Variants in REEP3 observed in about 807,000 individuals in gnomAD.
The protein encoded by REEP3 is receptor accessory protein 3, also known as receptor expression-enhancing protein 3.
Under a neutral mutation model 41.3 loss-of-function variants are expected in REEP3, and 20 were observed. The ratio of observed to expected loss-of-function variants is 0.48; its 90% CI spans 0.34 to 0.70. REEP3 has a LOEUF of 0.70. REEP3 is among the 30% of genes least tolerant of loss of function. The pLI is 0.01. For synonymous variants in REEP3, 104 were observed against 101.8 expected (o/e 1.02, Z -0.13); for missense variants, 271 against 308.8 (o/e 0.88, Z 0.92).
At position 63,620,874 on chromosome 10, in the gene REEP3, C is replaced by T; in HGVS notation, c.*5C>T. 1 of 1,592,794 alleles carries T rather than the reference C, an allele frequency of 6.3e-7. No homozygotes were observed. Among genetic ancestry groups the T allele is most frequent in the Non-Finnish European group, 8.6e-7 (1 of 1,162,648 alleles). On this transcript the variant is annotated 3_prime_UTR_variant, in exon 8 of 8. Coordinates refer to ENST00000373758, the MANE Select transcript of REEP3 (RefSeq NM_001001330.3). ...CGACCACAAGTGTATTTTTAGTCAT[C>T]TACACGTCAAATATCCCAAGACAGA...
intron 2 of REEP3, among the ~76,000 whole-genome samples, chr10:63,579,048 G>GGT (rs1554806355): frequency 6.7e-6 from 1 of 148,452 alleles, no homozygotes; most frequent in Non-Finnish European, 1.5e-5. Flanking sequence ...TTTTGGGGGG[G>GGT]GGGAGATGGA....
At chr10:63,561,179 C>T (rs1955736221) in intron 1 of REEP3, among the ~76,000 whole-genome samples, 1 of 152,050 alleles carries the variant, frequency 6.6e-6, no homozygotes, top group South Asian at 2.1e-4. Context: ...CCAAATCCTT[C>T]GTATGTGAGA....
chr10:63,524,889 G>A (rs1050378041), intron 1 of REEP3, among the ~76,000 whole-genome samples: 4 of 152,184 alleles, frequency 2.6e-5, no homozygotes, highest in Middle Eastern at 3.4e-3. Flanking sequence ...GCGCACACCT[G>A]TAGTCCTGGC....
chr10:63,568,606 A>G (rs906862093), intron 2 of REEP3, among the ~76,000 whole-genome samples: 2 of 151,732 alleles, frequency 1.3e-5, no homozygotes, highest in Non-Finnish European at 2.9e-5. Flanking sequence ...ATCACTAGAA[A>G]TAAAGAAATG....
chr10:63,608,325 AT>A (rs1457868705), intron 5 of REEP3, among the ~76,000 whole-genome samples: 1 of 152,242 alleles, frequency 6.6e-6, no homozygotes, highest in Non-Finnish European at 1.5e-5. Flanking sequence ...TCGTATCACA[AT>A]TCAAAAATAT....
intron 2 of REEP3, among the ~76,000 whole-genome samples, chr10:63,567,448 G>A (rs1955810440): frequency 6.6e-6 from 1 of 152,030 alleles, no homozygotes; most frequent in Admixed American, 6.6e-5. Flanking sequence ...TTTTGTGTCT[G>A]GCTCCTTTCA....
intron 5 of REEP3, chr10:63,599,808 G>C (rs1195073701): frequency 5.5e-6 from 2 of 363,326 alleles, no homozygotes; most frequent in African/African-American, 4.4e-5. Context: ...TGCAAGCCAA[G>C]TTATCAAATG....
chr10:63,526,023 G>T (rs979161009), intron 1 of REEP3, among the ~76,000 whole-genome samples: 4 of 152,140 alleles, frequency 2.6e-5, no homozygotes, highest in African/African-American at 9.7e-5. Context: ...GCTAGTAGTA[G>T]TTATCAGAAA....
intron 1 of REEP3, among the ~76,000 whole-genome samples, chr10:63,544,039 A>G (rs1369108266): frequency 2.0e-5 from 3 of 152,336 alleles, no homozygotes; most frequent in East Asian, 3.9e-4. Context: ...CACCTAGAGG[A>G]GGCAAAGATA....
intron 2 of REEP3, among the ~76,000 whole-genome samples, chr10:63,579,268 T>G (rs1031995749): frequency 6.6e-6 from 1 of 152,152 alleles, no homozygotes; most frequent in Non-Finnish European, 1.5e-5. Flanking sequence ...TCACCTCAAG[T>G]GATCTCCCCA....
chr10:63,605,683 T>C (rs895926819), intron 5 of REEP3, among the ~76,000 whole-genome samples: 3 of 152,196 alleles, frequency 2.0e-5, no homozygotes, highest in Non-Finnish European at 4.4e-5. Flanking sequence ...ACAGCATTAT[T>C]TGAGTGTAAA....
At chr10:63,586,116 T>G (rs1013651130) in intron 2 of REEP3, among the ~76,000 whole-genome samples, 11 of 152,218 alleles carry the variant, frequency 7.2e-5, no homozygotes, top group Admixed American at 1.3e-4. Flanking sequence ...GTTTTCTTGA[T>G]AGTAAATTTA....
At chr10:63,595,543 T>G (rs1808667946) in intron 3 of REEP3, among the ~76,000 whole-genome samples, 1 of 152,166 alleles carries the variant, frequency 6.6e-6, no homozygotes, top group South Asian at 2.1e-4. Context: ...CGCACAAACC[T>G]TCTGTCTAAA....
intron 2 of REEP3, among the ~76,000 whole-genome samples, chr10:63,593,923 T>A (rs1047282674): frequency 2.6e-5 from 4 of 152,168 alleles, no homozygotes; most frequent in African/African-American, 9.7e-5. Context: ...GCTGTCCACC[T>A]GGGTAACTAG....
chr10:63,546,418 A>T (rs567832450), intron 1 of REEP3, among the ~76,000 whole-genome samples: 1 of 152,294 alleles, frequency 6.6e-6, no homozygotes, highest in South Asian at 2.1e-4. Context: ...AAGTGAAGAA[A>T]CCTCATGAGT....
chr10:63,623,539 T>C lies in REEP3; in HGVS notation c.*2670T>C, dbSNP rs1956370814. 6.6e-6 allele frequency: 1 copy of C among 152,446 alleles called. No homozygotes were observed. Among genetic ancestry groups the C allele is most frequent in the Non-Finnish European group, 1.5e-5 (1 of 68,206 alleles). The allele number at this position is 152,446 out of a possible 1,614,324, so 9.4% of individuals were successfully genotyped here. On this transcript the variant is annotated 3_prime_UTR_variant, in exon 8 of 8. Transcript: ENST00000373758. ...TTTGAGTTTATACAGAAATTGCAGC[T>C]GGTATTTTATTTTGCTGTACATTTA...
chr10:63,599,266 G>A lies in REEP3; in HGVS notation c.400G>A (p.Val134Ile), dbSNP rs752743236. Reference sequence around the variant, plus strand: ...TTTAAACCTTGCAGCTACTGCTGCTGTTACTGCAGCAGTAAAGGTAATTGT... The same window carrying A: ...TTTAAACCTTGCAGCTACTGCTGCTATTACTGCAGCAGTAAAGGTAATTGT... The part of the protein sequence containing the change: ...QGLNLAATAA[V>I]TAAVKSQGAI... Residue 134 changes from valine to isoleucine, a missense_variant, in exon 5 of 8, where the codon GTT (valine) becomes ATT (isoleucine). Val to Ile is a conservative substitution (Grantham distance 29). Coordinates refer to ENST00000373758, the MANE Select transcript of REEP3 (RefSeq NM_001001330.3). The A allele has an allele frequency of 6.6e-7, 1 of 1,511,218 alleles. No homozygotes were observed. Among genetic ancestry groups the A allele is most frequent in the Admixed American group, 2.2e-5 (1 of 46,448 alleles). 93.6% of individuals were successfully genotyped at this position (1,511,218 alleles called of 1,614,324 possible). A position where few individuals can be genotyped will look rare whatever the true frequency, so the allele number is the denominator to read the frequency against.
intron 3 of REEP3, 115 bp from the exon 4 acceptor site, chr10:63,597,909 A>G (rs1330781940): frequency 1.2e-5 from 10 of 823,982 alleles, no homozygotes; most frequent in Non-Finnish European, 1.7e-5. Flanking sequence ...CTCCATCTCA[A>G]AAAAAAAAAA....
chr10:63,586,032 A>G (rs1269347707), intron 2 of REEP3, among the ~76,000 whole-genome samples: 1 of 152,240 alleles, frequency 6.6e-6, no homozygotes, highest in Admixed American at 6.5e-5. Context: ...GAAAATGTTA[A>G]GAGATCATGA....
Sources: gnomAD v4.1 joint callset for allele counts (sites outside exome capture counted in the v4.1 genomes callset) on GRCh38, gnomAD v4.1.1 for gene constraint, MANE v1.5 for transcripts, NCBI Gene and HGNC (gene_info 2026-07-23, HGNC 2026-07-21) for gene names.